Variants in GALNT10 observed in about 807,000 individuals in gnomAD.
The protein encoded by GALNT10 is GalNAc transferase 10.
A neutral mutation model predicts 75.0 loss-of-function variants in GALNT10; 41 were observed. The observed-to-expected ratio is 0.55, with a 90% CI of 0.43 to 0.71. The LOEUF is 0.71. Ranked by LOEUF, GALNT10 falls within the 30% of genes least tolerant of loss-of-function variation. The probability of loss-of-function intolerance (pLI) is 0.00; values close to 1 mark genes in which losing one functional copy is unlikely to be tolerated. For synonymous variants in GALNT10, 302 were observed against 313.0 expected (o/e 0.96, Z 0.37); for missense variants, 727 against 818.5 (o/e 0.89, Z 1.36).
intron 4 of GALNT10, among the ~76,000 whole-genome samples, chr5:154,367,017 T>C (rs1755486234): frequency 6.6e-6 from 1 of 151,878 alleles, no homozygotes; most frequent in Non-Finnish European, 1.5e-5. Context: ...ATGGTAGGAG[T>C]AGACTCATTG....
intron 2 of GALNT10, among the ~76,000 whole-genome samples, chr5:154,297,721 C>T (rs577493201): frequency 6.6e-6 from 1 of 152,122 alleles, no homozygotes; most frequent in South Asian, 2.1e-4. Flanking sequence ...ATGTCCACCC[C>T]GCAGAGCTGC....
At chr5:154,361,852 G>A (rs1285466668) in intron 4 of GALNT10, among the ~76,000 whole-genome samples, 3 of 152,146 alleles carry the variant, frequency 2.0e-5, no homozygotes, top group Non-Finnish European at 2.9e-5. Flanking sequence ...CACAAGAATC[G>A]GGTAACCAGT....
rs201222592 is a variant in GALNT10 at position 154,190,789 on chromosome 5, CCGGGCGGA to C, written c.-67_-60del. 3.2e-6 allele frequency: 2 copies of C among 631,048 alleles called. 1 individual carries two copies. The highest frequency in any genetic ancestry group is 1.3e-4 in the South Asian group (2 of 15,434). 39.1% of individuals were successfully genotyped at this position (631,048 alleles called of 1,614,324 possible). A position where few individuals can be genotyped will look rare whatever the true frequency, so the allele number is the denominator to read the frequency against. On this transcript the variant is annotated 5_prime_UTR_variant, in exon 1 of 12. Coordinates refer to ENST00000297107, the MANE Select transcript of GALNT10 (RefSeq NM_198321.4). ...TCTGCTGGCTGAGCTGCTGCCGCCG[CCGGGCGGA>C]CGGGCGGACGCGCGGAGCTGGGGGC...
intron 1 of GALNT10, among the ~76,000 whole-genome samples, chr5:154,249,394 A>C (rs944414474): frequency 2.6e-5 from 4 of 152,156 alleles, no homozygotes; most frequent in African/African-American, 9.7e-5. Context: ...AAATGCACAC[A>C]CCAATATTAA....
At chr5:154,404,913 G>C (rs1756242442) in intron 8 of GALNT10, among the ~76,000 whole-genome samples, 2 of 152,138 alleles carry the variant, frequency 1.3e-5, no homozygotes, top group African/African-American at 4.8e-5. Flanking sequence ...AATTAAATTG[G>C]CCACTGGCTG....
chr5:154,219,872 G>C (rs1233386702), intron 1 of GALNT10, among the ~76,000 whole-genome samples: 1 of 92,070 alleles, frequency 1.1e-5, no homozygotes, highest in Non-Finnish European at 2.7e-5. Context: ...ACACACCACA[G>C]AGAGAGAGGG....
intron 2 of GALNT10, among the ~76,000 whole-genome samples, chr5:154,296,725 C>T (rs1345856076): frequency 2.6e-5 from 4 of 152,164 alleles, no homozygotes; most frequent in Non-Finnish European, 5.9e-5. Flanking sequence ...CCATCTGGCT[C>T]CAGGGCCTGA....
At chr5:154,340,939 A>T (rs1755023994) in intron 4 of GALNT10, among the ~76,000 whole-genome samples, 1 of 152,178 alleles carries the variant, frequency 6.6e-6, no homozygotes. Flanking sequence ...TTTATTTCAA[A>T]TTTTTTTAAA....
At chr5:154,343,900 G>A (rs1214133569) in intron 4 of GALNT10, among the ~76,000 whole-genome samples, 1 of 152,170 alleles carries the variant, frequency 6.6e-6, no homozygotes, top group East Asian at 1.9e-4. Context: ...GGGCACCCCA[G>A]GTCTTAGTTC....
intron 1 of GALNT10, among the ~76,000 whole-genome samples, chr5:154,205,123 G>A (rs1232824758): frequency 6.6e-6 from 1 of 152,152 alleles, no homozygotes; most frequent in Non-Finnish European, 1.5e-5. Context: ...CACCCTAAGG[G>A]GCTGTGTTCT....
rs1755651797 is a variant in GALNT10, at chr5:154,376,349, G to A, written c.641G>A (p.Arg214Gln). 5 of 1,611,416 alleles carry A rather than the reference G, an allele frequency of 3.1e-6. No homozygotes were observed. The highest frequency in any genetic ancestry group is 2.2e-5 in the East Asian group (1 of 44,792). ...PSVRILRTKK[R>Q]EGLIRTRMLG... ...GTGAGGATTCTTCGAACCAAGAAAC[G>A]GGAAGGGCTGATAAGGACCCGAATG... is the stretch of plus-strand genomic sequence containing the variant. The change falls in exon 5 of 12, where the codon CGG (arginine) becomes CAG (glutamine). Residue 214 changes from arginine to glutamine, a missense_variant. Transcript: ENST00000297107. This position sits in a 1 kb window ranked among gnomAD's most constrained non-coding sequence, Gnocchi z 4.1.
At position 154,409,795 on chromosome 5, in the gene GALNT10, T is replaced by G. The variant is rs191452600; in HGVS notation, c.1386+33T>G. On this transcript the variant is annotated intron_variant, in intron 9 of 11. Coordinates refer to ENST00000297107, the MANE Select transcript of GALNT10 (RefSeq NM_198321.4). The surrounding 1 kb of genome is among the most constrained non-coding windows in gnomAD (Gnocchi z 4.5). ...TGGAGGGCAGGGCTGGCTCCATAAT[T>G]TAATGGGTGTGCAAAATGCAAATGC... 7.1e-7 allele frequency: 1 copy of G among 1,407,530 alleles called. No individual in the cohort carries two copies. Among genetic ancestry groups the G allele is most frequent in the East Asian group, 2.3e-5 (1 of 43,934 alleles). 87.2% of individuals were successfully genotyped at this position (1,407,530 alleles called of 1,614,324 possible). A position where few individuals can be genotyped will look rare whatever the true frequency, so the allele number is the denominator to read the frequency against.
Position 154,378,891 on chromosome 5 carries a change from G to A in GALNT10, c.755-1557G>A, listed in dbSNP as rs143093350. On this transcript the variant is annotated intron_variant, in intron 5 of 11. Coordinates refer to ENST00000297107, the MANE Select transcript of GALNT10 (RefSeq NM_198321.4). Reference sequence around the variant, plus strand: ...CCTTGGACATGAAGTCCGCTGAACGGCCATGAACAATTAAATGGGAGGCCC... The same window carrying A: ...CCTTGGACATGAAGTCCGCTGAACGACCATGAACAATTAAATGGGAGGCCC... Among the ~76,000 whole-genome samples the A allele has an allele frequency of 1.4e-4, 22 of 152,178 alleles. No individual in the cohort carries two copies. The East Asian group carries it at 4.3e-3, about 29-fold the overall frequency.
At chr5:154,213,078 T>C (rs1245844933) in intron 1 of GALNT10, among the ~76,000 whole-genome samples, 2 of 152,214 alleles carry the variant, frequency 1.3e-5, no homozygotes, top group African/African-American at 4.8e-5. Flanking sequence ...TGTGCCTCAG[T>C]TTCCTAATCT....
intron 1 of GALNT10, among the ~76,000 whole-genome samples, chr5:154,264,834 C>G (rs1753754761): frequency 6.6e-6 from 1 of 152,102 alleles, no homozygotes; most frequent in Middle Eastern, 3.2e-3. Context: ...CCGTACAGAC[C>G]CCCACTTAGC....
At chr5:154,332,059 C>T (rs985141654) in intron 4 of GALNT10, among the ~76,000 whole-genome samples, 2 of 152,128 alleles carry the variant, frequency 1.3e-5, no homozygotes, top group African/African-American at 4.8e-5. Context: ...GCCTCTTGCT[C>T]CCTCTCTTCT....
chr5:154,340,875 G>A (rs1755023060), intron 4 of GALNT10, among the ~76,000 whole-genome samples: 1 of 152,156 alleles, frequency 6.6e-6, no homozygotes, highest in South Asian at 2.1e-4. Context: ...ATAGGCGACA[G>A]TTGACAACTC....
At chr5:154,227,363 A>G (rs749960182) in intron 1 of GALNT10, among the ~76,000 whole-genome samples, 1 of 152,206 alleles carries the variant, frequency 6.6e-6, no homozygotes, top group Non-Finnish European at 1.5e-5. Flanking sequence ...GTATGTGGTG[A>G]TATCTTAACG....
intron 1 of GALNT10, among the ~76,000 whole-genome samples, chr5:154,209,506 A>G (rs1775162094): frequency 6.6e-6 from 1 of 152,192 alleles, no homozygotes; most frequent in Admixed American, 6.5e-5. Context: ...TTTATTGCTC[A>G]CAGTTCTGGA....
Sources: allele counts gnomAD v4.1 joint callset (sites outside exome capture counted in the v4.1 genomes callset), GRCh38; gene constraint gnomAD v4.1.1; non-coding constraint Gnocchi (gnomAD v3.1); transcripts MANE v1.5; gene names NCBI Gene and HGNC (gene_info 2026-07-23, HGNC 2026-07-21).